Variants in ADCYAP1R1 observed in about 807,000 individuals in gnomAD.
The protein encoded by ADCYAP1R1 is pituitary adenylate cyclase-activating polypeptide type I receptor.
A neutral mutation model predicts 67.6 loss-of-function variants in ADCYAP1R1; 44 were observed. The ratio of observed to expected loss-of-function variants is 0.65; its 90% CI spans 0.51 to 0.84. The LOEUF is 0.84. ADCYAP1R1 is among the 40% of genes least tolerant of loss of function. The pLI, the probability that ADCYAP1R1 is intolerant of heterozygous loss-of-function variation, is 0.00. For missense variants in ADCYAP1R1, 477 were observed against 587.9 expected (o/e 0.81, Z 1.95); for synonymous variants, 222 against 219.6 (o/e 1.01, Z -0.10).
intron 3 of ADCYAP1R1, among the ~76,000 whole-genome samples, chr7:31,073,072 C>T (rs987175145): frequency 3.3e-5 from 5 of 152,240 alleles, no homozygotes; most frequent in Admixed American, 2.0e-4. Context: ...AGACCCATTT[C>T]AGACTTCTGA....
chr7:31,084,041 G>T, intron 6 of ADCYAP1R1, 100 bp from the exon 7 acceptor site: 1 of 970,264 alleles, frequency 1.0e-6, no homozygotes, highest in East Asian at 2.4e-5. Context: ...TTGGTCATAG[G>T]GGTTTCCAGG....
chr7:31,091,680 C>T (rs989983224), intron 12 of ADCYAP1R1, among the ~76,000 whole-genome samples: 1 of 152,082 alleles, frequency 6.6e-6, no homozygotes. Flanking sequence ...GTCCTTTCCC[C>T]GTTGCTTATT....
intron 1 of ADCYAP1R1, among the ~76,000 whole-genome samples, chr7:31,055,217 C>A (rs1794189011): frequency 6.6e-6 from 1 of 152,280 alleles, no homozygotes; most frequent in East Asian, 1.9e-4. Context: ...CGTTGAGACA[C>A]ACCCTCTCAC....
chr7:31,070,264 GCAGGTTTTCATCAGCC>G (rs1794916434), intron 3 of ADCYAP1R1, among the ~76,000 whole-genome samples: 1 of 152,262 alleles, frequency 6.6e-6, no homozygotes, highest in South Asian at 2.1e-4. Context: ...TTGCAGGGCT[GCAGGTTTTCATCAGCC>G]CAGAAACCTT....
intron 4 of ADCYAP1R1, among the ~76,000 whole-genome samples, chr7:31,080,108 G>A (rs1312637209): frequency 6.6e-6 from 1 of 152,176 alleles, no homozygotes; most frequent in African/African-American, 2.4e-5. Context: ...ATGAATCAAT[G>A]GTAAAATAAG....
At chr7:31,074,996 G>A (rs1795147263) in intron 3 of ADCYAP1R1, among the ~76,000 whole-genome samples, 1 of 152,190 alleles carries the variant, frequency 6.6e-6, no homozygotes, top group Non-Finnish European at 1.5e-5. Context: ...CCGTCTAAAA[G>A]CTGTGGATAC....
At position 31,066,041 on chromosome 7, in the gene ADCYAP1R1, G is replaced by A. The variant is rs59513586; in HGVS notation, c.157+1105G>A. Among the ~76,000 whole-genome samples, 885 of 150,136 alleles carry A rather than the reference G, an allele frequency of 5.9e-3. 10 individuals carry two copies. The highest frequency in any genetic ancestry group is 0.02 in the African/African-American group (805 of 40,696). ...TGCTCAGCCCTAACCAAGGTTGAAC[G>A]TGGATTCGGGGCCCCACCAGTGAGG... On this transcript the variant is annotated intron_variant, in intron 3 of 15. Transcript: ENST00000304166.
In ADCYAP1R1 at chr7:31,092,736, G is replaced by C. The variant is rs1207032286; in HGVS notation, c.1046+1G>C. 6.2e-7 allele frequency: 1 copy of C among 1,608,198 alleles called. No homozygotes were observed. The highest frequency in any genetic ancestry group is 8.5e-7 in the Non-Finnish European group (1 of 1,177,102). On this transcript the variant is annotated splice_donor_variant, in intron 13 of 15. Transcript: ENST00000304166. LOFTEE classifies it high-confidence loss of function. ...GAGGCAATGAGTCCAGCATCTACTT[G>C]TAAGTACCATTGTGTGGCTGCCACA... is the stretch of plus-strand genomic sequence containing the variant.
chr7:31,098,718 G>A (rs1275291064), intron 13 of ADCYAP1R1, among the ~76,000 whole-genome samples: 2 of 59,428 alleles, frequency 3.4e-5, no homozygotes, highest in Non-Finnish European at 7.3e-5. Flanking sequence ...GGGGGGGGGG[G>A]ACCTGGGCTT....
chr7:31,079,081 G>A lies in ADCYAP1R1; in HGVS notation c.265+983G>A, dbSNP rs369807243. 5.3e-5 allele frequency among the ~76,000 whole-genome samples: 8 copies of A among 152,326 alleles called. No homozygotes were observed. The South Asian group carries it at 1.4e-3, about 28-fold the overall frequency. On this transcript the variant is annotated intron_variant, in intron 4 of 15. Transcript: ENST00000304166. ...AGGGTGAGGGCAGGGGAGAGAAGGC[G>A]ATGCTCTACCCACAGGCAGAAGCCC...
At chr7:31,055,086 C>A (rs1182698014) in intron 1 of ADCYAP1R1, among the ~76,000 whole-genome samples, 1 of 152,144 alleles carries the variant, frequency 6.6e-6, no homozygotes, top group Non-Finnish European at 1.5e-5. Flanking sequence ...GTGACAGCCA[C>A]CCCCACAGTG....
chr7:31,084,758 A>G lies in ADCYAP1R1; in HGVS notation c.460A>G (p.Lys154Glu). The change falls in exon 8 of 16, where the codon AAG becomes GAG. Residue 154 changes from lysine to glutamate, a missense_variant. Coordinates refer to ENST00000304166, the MANE Select transcript of ADCYAP1R1 (RefSeq NM_001118.5). ...TCAGGATTATTACTACCTGTCAGTG[A>G]AGGCCCTCTACACGGTTGGCTACAG... ...GDQDYYYLSV[K>E]ALYTVGYSTS... The G allele has an allele frequency of 6.2e-7, 1 of 1,614,026 alleles. No individual in the cohort carries two copies.
chr7:31,090,674 G>T (rs1328683133), intron 12 of ADCYAP1R1, among the ~76,000 whole-genome samples: 1 of 152,160 alleles, frequency 6.6e-6, no homozygotes, highest in Non-Finnish European at 1.5e-5. Context: ...GTGGTATTTG[G>T]TTTTTCTGTT....
chr7:31,104,686 C>T (rs1264212306), intron 14 of ADCYAP1R1, among the ~76,000 whole-genome samples, 182 bp from the exon 15 acceptor site: 1 of 152,180 alleles, frequency 6.6e-6, no homozygotes, highest in Non-Finnish European at 1.5e-5. Flanking sequence ...AGCCACGTGG[C>T]CTCATGGGTG....
intron 13 of ADCYAP1R1, 113 bp from the exon 14 acceptor site, chr7:31,103,124 G>A (rs1010607844): frequency 1.9e-5 from 27 of 1,442,004 alleles, no homozygotes; most frequent in African/African-American, 1.7e-4. Context: ...CTGTGGACAC[G>A]GGCCCCAGCT....
At chr7:31,075,035 A>G (rs1017922437) in intron 3 of ADCYAP1R1, among the ~76,000 whole-genome samples, 2 of 152,294 alleles carry the variant, frequency 1.3e-5, no homozygotes, top group East Asian at 3.9e-4. Flanking sequence ...CTCAAGCGTC[A>G]CAGACCCCAA....
At position 31,109,367 on chromosome 7, in the gene ADCYAP1R1, G is replaced by T. The variant is rs1295772041; in HGVS notation, c.*2683G>T. ...CTCTGTTTTCAAATCTGTAAAATGG[G>T]CAATAAGACTAGATGATTTGTATAT... On this transcript the variant is annotated 3_prime_UTR_variant, in exon 16 of 16. Transcript: ENST00000304166. The T allele has an allele frequency of 2.0e-5, 3 of 152,198 alleles. No homozygotes were observed. Among genetic ancestry groups the T allele is most frequent in the Non-Finnish European group, 2.9e-5 (2 of 68,070 alleles). 9.4% of individuals were successfully genotyped at this position (152,198 alleles called of 1,614,324 possible). A position where few individuals can be genotyped will look rare whatever the true frequency, so the allele number is the denominator to read the frequency against.
At position 31,106,912 on chromosome 7, in the gene ADCYAP1R1, A is replaced by C; in HGVS notation, c.*228A>C. On this transcript the variant is annotated 3_prime_UTR_variant, in exon 16 of 16. Transcript: ENST00000304166. ...CCTGGGCCCTGACCCCAGACATGTAAATACTCCTCAAATTTGGAAAAGTTG... is the reference window on the plus strand; with the variant it reads ...CCTGGGCCCTGACCCCAGACATGTACATACTCCTCAAATTTGGAAAAGTTG... 1 of 520,098 alleles carries C rather than the reference A, an allele frequency of 1.9e-6. No homozygotes were observed. The highest frequency in any genetic ancestry group is 3.3e-6 in the Non-Finnish European group (1 of 303,880). The allele number at this position is 520,098 out of a possible 1,614,324, so 32.2% of individuals were successfully genotyped here.
At chr7:31,080,567 C>T (rs201519819) in intron 4 of ADCYAP1R1, 46 bp from the exon 5 acceptor site, 3 of 1,605,840 alleles carry the variant, frequency 1.9e-6, no homozygotes, top group Non-Finnish European at 8.5e-7. Flanking sequence ...TCTCACCCCG[C>T]TGCTCACCTC....
Sources: allele counts gnomAD v4.1 joint callset (sites outside exome capture counted in the v4.1 genomes callset), GRCh38; gene constraint gnomAD v4.1.1; transcripts MANE v1.5; gene names NCBI Gene and HGNC (gene_info 2026-07-23, HGNC 2026-07-21).